ATP11C: variants seen among roughly 807,000 people sequenced by gnomAD.
ATP11C encodes the protein ATPase phospholipid transporting 11C (ATP11C blood group), also known as phospholipid-transporting ATPase IG.
Under a neutral mutation model 97.4 loss-of-function variants are expected in ATP11C, and 36 were observed. The ratio of observed to expected loss-of-function variants is 0.37; its 90% CI spans 0.28 to 0.49. The LOEUF (loss-of-function observed/expected upper bound fraction) is 0.49. ATP11C is among the 20% of genes least tolerant of loss of function. The probability of loss-of-function intolerance (pLI) is 0.98; values close to 1 mark genes in which losing one functional copy is unlikely to be tolerated. For synonymous variants in ATP11C, 275 were observed against 290.9 expected, an observed-to-expected ratio of 0.95 and a Z score of 0.56; for missense variants, 730 against 824.6, an observed-to-expected ratio of 0.89 and a Z score of 1.40.
chrX:139,928,997 T>C (rs2085394212), intron 1 of ATP11C, among the ~76,000 whole-genome samples: 1 of 112,349 alleles, frequency 8.9e-6, no homozygotes, highest in South Asian at 3.6e-4. Flanking sequence ...AGAGAACACG[T>C]TACTATAGTC....
chrX:139,936,170 A>T (rs1204872239), upstream of ATP11C, among the ~76,000 whole-genome samples: 4 of 111,357 alleles, frequency 3.6e-5, no homozygotes, highest in Non-Finnish European at 5.7e-5. Flanking sequence ...ATCAAAATAT[A>T]CTCAGCAAAA....
chrX:139,861,561 G>C (rs907746960), intron 1 of ATP11C, among the ~76,000 whole-genome samples: 11 of 111,357 alleles, frequency 9.9e-5, no homozygotes, highest in Non-Finnish European at 1.5e-4. Context: ...GATGTAGGTA[G>C]TTATTAATTT....
chrX:139,905,561 A>C (rs1455252786), intron 1 of ATP11C, among the ~76,000 whole-genome samples: 1 of 112,135 alleles, frequency 8.9e-6, no homozygotes, highest in Non-Finnish European at 1.9e-5. Flanking sequence ...CCCAAAGACA[A>C]TCTATGTACT....
intron 1 of ATP11C, among the ~76,000 whole-genome samples, chrX:139,896,619 G>GTC (rs202000678): frequency 0.037 from 3,330 of 90,845 alleles, 72 homozygotes; most frequent in Non-Finnish European, 0.04. Flanking sequence ...TTGAGAAAGA[G>GTC]TCTCTCTCTC....
chrX:139,780,430 G>A (rs1053960825), intron 18 of ATP11C, among the ~76,000 whole-genome samples: 70 of 109,412 alleles, frequency 6.4e-4, no homozygotes, highest in African/African-American at 2.1e-3. Flanking sequence ...CACCACGTAC[G>A]TAAAATTAAA....
chrX:139,749,349 T>C (rs1315861137), intron 24 of ATP11C, among the ~76,000 whole-genome samples: 1 of 112,210 alleles, frequency 8.9e-6, no homozygotes, highest in Non-Finnish European at 1.9e-5. Flanking sequence ...CAAACCTCTC[T>C]ATTGCACTTG....
intron 1 of ATP11C, among the ~76,000 whole-genome samples, chrX:139,886,584 C>CA (rs144833892): frequency 0.011 from 376 of 34,508 alleles, 2 homozygotes; most frequent in Non-Finnish European, 0.016. Flanking sequence ...GACTCCATCT[C>CA]AAAAAAAAAA....
chrX:139,825,924 T>G (rs963644879), intron 2 of ATP11C, among the ~76,000 whole-genome samples: 6 of 112,201 alleles, frequency 5.3e-5, no homozygotes, highest in Non-Finnish European at 1.1e-4. Flanking sequence ...AAATAACACT[T>G]GCAGAATGAT....
chrX:139,830,495 T>C (rs1273691748), intron 1 of ATP11C, among the ~76,000 whole-genome samples: 1 of 112,154 alleles, frequency 8.9e-6, no homozygotes, highest in Non-Finnish European at 1.9e-5. Context: ...TTATTTTGCA[T>C]GTGGTTATCT....
chrX:139,935,768 T>C (rs1376052427), upstream of ATP11C, among the ~76,000 whole-genome samples: 121 of 111,463 alleles, frequency 1.1e-3, 2 homozygotes, highest in Admixed American at 1.9e-4. Flanking sequence ...GGCAGGCAGA[T>C]TACCTGAAGT....
At chrX:139,837,214 T>C (rs1323022115) in intron 1 of ATP11C, among the ~76,000 whole-genome samples, 1 of 112,164 alleles carries the variant, frequency 8.9e-6, no homozygotes, top group Non-Finnish European at 1.9e-5. Context: ...TCTATTCAAG[T>C]GTATGACTGA....
intron 25 of ATP11C, among the ~76,000 whole-genome samples, chrX:139,744,716 G>A (rs950967482): frequency 6.2e-5 from 7 of 112,035 alleles, no homozygotes; most frequent in Non-Finnish European, 1.9e-5. Context: ...ATTTTCCCAA[G>A]TACTCACAGG....
At chrX:139,798,150 G>C (rs1462154296) in intron 10 of ATP11C, 123 bp downstream of exon 10, 5 of 577,963 alleles carry the variant, frequency 8.7e-6, no homozygotes, top group African/African-American at 2.3e-5. Flanking sequence ...ACATAAACAA[G>C]TGCTTAAAAT....
intron 1 of ATP11C, among the ~76,000 whole-genome samples, chrX:139,852,206 G>A (rs1326041863): frequency 9.1e-6 from 1 of 109,622 alleles, no homozygotes; most frequent in African/African-American, 3.3e-5. Flanking sequence ...CATCTGTAAG[G>A]GTGCACCCTT....
At chrX:139,788,683 G>A (rs1347216886) in intron 13 of ATP11C, among the ~76,000 whole-genome samples, 1 of 111,491 alleles carries the variant, frequency 9.0e-6, no homozygotes, top group African/African-American at 3.3e-5. Context: ...GGGAGACTCT[G>A]GTTAATTTAA....
At chrX:139,834,539 A>T (rs969383062) in intron 1 of ATP11C, among the ~76,000 whole-genome samples, 1 of 112,138 alleles carries the variant, frequency 8.9e-6, no homozygotes, top group African/African-American at 3.2e-5. Context: ...TTCCTAAAAC[A>T]TGCTTAAAAG....
At chrX:139,795,464 C>T (rs2082773922) in intron 12 of ATP11C, among the ~76,000 whole-genome samples, 1 of 111,574 alleles carries the variant, frequency 9.0e-6, no homozygotes, top group African/African-American at 3.3e-5. Flanking sequence ...GTTTCATTAA[C>T]TGAATTTGGA....
chrX:139,873,706 C>CAAA (rs58064711), intron 1 of ATP11C, among the ~76,000 whole-genome samples: 59 of 17,284 alleles, frequency 3.4e-3, no homozygotes, highest in Non-Finnish European at 4.7e-3. Flanking sequence ...GACTCCAACT[C>CAAA]AAAAAAAAAA....
At chrX:139,788,085 A>C in intron 14 of ATP11C, 107 bp downstream of exon 14, 36 of 684,815 alleles carry the variant, frequency 5.3e-5, no homozygotes, top group Non-Finnish European at 7.0e-5. Flanking sequence ...ATTAAATAAT[A>C]GGAGATGTAT....
Sources: gnomAD v4.1 joint callset for allele counts (sites outside exome capture counted in the v4.1 genomes callset) on GRCh38, gnomAD v4.1.1 for gene constraint, MANE v1.5 for transcripts, NCBI Gene and HGNC (gene_info 2026-07-23, HGNC 2026-07-21) for gene names.